NRXN1: variants seen among roughly 807,000 people sequenced by gnomAD.
NRXN1 encodes the protein neurexin 1.
Under a neutral mutation model 150.9 loss-of-function variants are expected in NRXN1, and 39 were observed. That is an observed-to-expected ratio of 0.26 (90% CI 0.20 to 0.34). The LOEUF (loss-of-function observed/expected upper bound fraction) is 0.34, where lower values mean the gene tolerates loss of function less well. Among genes scored for constraint, NRXN1 ranks in the 10% least tolerant of loss-of-function variants. NRXN1 has a pLI of 1.00. For synonymous variants in NRXN1, 924 were observed against 757.0 expected (o/e 1.22, Z -3.62); for missense variants, 1,815 against 1,949.9 (o/e 0.93, Z 1.30).
chr2:49,940,739 T>C (rs1466786141), intron 22 of NRXN1, among the ~76,000 whole-genome samples: 1 of 151,922 alleles, frequency 6.6e-6, no homozygotes, highest in African/African-American at 2.4e-5. Context: ...AGAAAAAAAG[T>C]AATAGGGAGG....
At chr2:50,333,099 C>T (rs1438867320) in intron 17 of NRXN1, among the ~76,000 whole-genome samples, 1 of 152,026 alleles carries the variant, frequency 6.6e-6, no homozygotes, top group Non-Finnish European at 1.5e-5. Flanking sequence ...TGTTTCTTTC[C>T]CAGAATCCCT....
At chr2:50,955,019 A>T (rs1320215693) in intron 2 of NRXN1, among the ~76,000 whole-genome samples, 1 of 152,078 alleles carries the variant, frequency 6.6e-6, no homozygotes, top group African/African-American at 2.4e-5. Context: ...CTGGGAAGAT[A>T]AAAAAAGGGA....
At chr2:50,944,030 G>C (rs910442738) in intron 2 of NRXN1, among the ~76,000 whole-genome samples, 1 of 152,146 alleles carries the variant, frequency 6.6e-6, no homozygotes, top group Non-Finnish European at 1.5e-5. Flanking sequence ...ATTGGCTTCA[G>C]CACTCAAAAT....
intron 5 of NRXN1, among the ~76,000 whole-genome samples, chr2:50,825,447 T>C (rs1237920818): frequency 1.3e-5 from 2 of 152,154 alleles, no homozygotes; most frequent in African/African-American, 4.8e-5. Context: ...GAAAGCTAAG[T>C]TGATAACCAA....
intron 5 of NRXN1, among the ~76,000 whole-genome samples, chr2:50,662,088 T>A (rs1441717929): frequency 1.3e-5 from 2 of 152,070 alleles, no homozygotes; most frequent in African/African-American, 4.8e-5. Flanking sequence ...TCTATTTCAA[T>A]TCCTCTCAAC....
chr2:50,481,040 TA>T (rs1301875802), intron 15 of NRXN1, among the ~76,000 whole-genome samples: 1 of 152,130 alleles, frequency 6.6e-6, no homozygotes, highest in African/African-American at 2.4e-5. Flanking sequence ...ACAAGAGGAG[TA>T]AAGGTTATCA....
At chr2:50,441,166 G>A (rs1482896287) in intron 17 of NRXN1, among the ~76,000 whole-genome samples, 2 of 151,946 alleles carry the variant, frequency 1.3e-5, no homozygotes, top group Admixed American at 6.6e-5. Context: ...AGGAATCTAG[G>A]GAATTTAAGA....
chr2:50,002,466 T>C (rs2152535375), intron 21 of NRXN1, among the ~76,000 whole-genome samples: 1 of 152,252 alleles, frequency 6.6e-6, no homozygotes, highest in East Asian at 1.9e-4. Flanking sequence ...CTGGCCTTCA[T>C]GAATGGCAAG....
chr2:50,098,870 T>TTTTTTTTTTTTTTTG (rs1700635333), intron 18 of NRXN1, among the ~76,000 whole-genome samples: 1 of 63,044 alleles, frequency 1.6e-5, no homozygotes, highest in Non-Finnish European at 3.2e-5. Context: ...TTTTTTTTTT[T>TTTTTTTTTTTTTTTG]TTTTTTTTTT....
Position 50,538,235 on chromosome 2 carries a change from G to C in NRXN1, c.2143+18C>G, listed in dbSNP as rs776927956. On this transcript the variant is annotated intron_variant, in intron 10 of 22. Coordinates refer to ENST00000401669, the MANE Select transcript of NRXN1 (RefSeq NM_001330078.2). ...TTTTCATCTCAGGGAGTTGGCTGCT[G>C]GGGTTTTAGAATCCTACCTCTCTCA... is the stretch of plus-strand genomic sequence containing the variant. The C allele has an allele frequency of 2.5e-6, 4 of 1,598,704 alleles. No individual in the cohort carries two copies. The South Asian group carries it at 3.4e-5, about 13-fold the overall frequency.
At chr2:50,165,197 G>A (rs1250728391) in intron 18 of NRXN1, among the ~76,000 whole-genome samples, 1 of 152,158 alleles carries the variant, frequency 6.6e-6, no homozygotes, top group Non-Finnish European at 1.5e-5. Flanking sequence ...GAAGAAGAAC[G>A]ACAAGGTGGT....
intron 21 of NRXN1, among the ~76,000 whole-genome samples, chr2:49,982,254 C>T (rs940622649): frequency 1.6e-4 from 24 of 151,960 alleles, no homozygotes; most frequent in Admixed American, 1.4e-3. Flanking sequence ...GAAACAGGTT[C>T]GATTCAATTT....
intron 5 of NRXN1, among the ~76,000 whole-genome samples, chr2:50,628,970 G>T (rs1050613575): frequency 1.3e-5 from 2 of 151,472 alleles, no homozygotes; most frequent in African/African-American, 4.8e-5. Context: ...TGAATAAAAT[G>T]AAAAATACAA....
chr2:50,610,229 A>T (rs977456354), intron 8 of NRXN1, among the ~76,000 whole-genome samples: 1 of 152,160 alleles, frequency 6.6e-6, no homozygotes, highest in African/African-American at 2.4e-5. Context: ...GCTCAAACTT[A>T]GTTAAGTAAC....
intron 17 of NRXN1, among the ~76,000 whole-genome samples, chr2:50,284,361 G>A (rs2071841170): frequency 1.3e-5 from 2 of 152,118 alleles, no homozygotes; most frequent in African/African-American, 4.8e-5. Context: ...TCCAAATGAT[G>A]TTCCCCTATG....
intron 18 of NRXN1, among the ~76,000 whole-genome samples, chr2:50,120,253 A>G (rs1266768914): frequency 1.3e-5 from 2 of 149,726 alleles, no homozygotes; most frequent in East Asian, 3.9e-4. Context: ...GGTACTATAT[A>G]CACCTTTATA....
chr2:50,521,750 T>A (rs1389147594), intron 12 of NRXN1, among the ~76,000 whole-genome samples: 2 of 152,168 alleles, frequency 1.3e-5, no homozygotes, highest in East Asian at 1.9e-4. Flanking sequence ...GATGCTTGTG[T>A]AGAAAGCTTG....
chr2:50,812,245 G>T (rs1668316780), intron 5 of NRXN1, among the ~76,000 whole-genome samples: 1 of 152,166 alleles, frequency 6.6e-6, no homozygotes, highest in African/African-American at 2.4e-5. Flanking sequence ...AAATATAGCA[G>T]AATGACTTTG....
chr2:50,135,943 T>C (rs543036824), intron 18 of NRXN1, among the ~76,000 whole-genome samples: 1 of 152,196 alleles, frequency 6.6e-6, no homozygotes, highest in African/African-American at 2.4e-5. Context: ...CATTGTCTCA[T>C]TTTCATGTAG....
Sources: gnomAD v4.1 joint callset for allele counts (sites outside exome capture counted in the v4.1 genomes callset) on GRCh38, gnomAD v4.1.1 for gene constraint, MANE v1.5 for transcripts, NCBI Gene and HGNC (gene_info 2026-07-23, HGNC 2026-07-21) for gene names.